The following TP53BP2 variants were observed in gnomAD, a reference collection of about 807,000 sequenced individuals.
The protein encoded by TP53BP2 is apoptosis-stimulating of p53 protein 2.
Under a neutral mutation model 126.2 loss-of-function variants are expected in TP53BP2, and 62 were observed. That is an observed-to-expected ratio of 0.49 (90% CI 0.40 to 0.61). The LOEUF (loss-of-function observed/expected upper bound fraction) is 0.61. Ranked by LOEUF, TP53BP2 falls within the 20% of genes least tolerant of loss-of-function variation. TP53BP2 has a pLI of 0.00. For synonymous variants in TP53BP2, 485 were observed against 502.9 expected (o/e 0.96, Z 0.48); for missense variants, 1,215 against 1,402.8 (o/e 0.87, Z 2.14).
At chr1:223,820,671 T>C (rs1663270166) in intron 2 of TP53BP2, among the ~76,000 whole-genome samples, 2 of 152,182 alleles carry the variant, frequency 1.3e-5, no homozygotes, top group African/African-American at 4.8e-5. Context: ...ATCCAGCCTG[T>C]GTAGGAACAA....
At chr1:223,803,536 A>C in intron 6 of TP53BP2, 84 bp from the exon 7 acceptor site, 3 of 1,343,036 alleles carry the variant, frequency 2.2e-6, no homozygotes, top group Non-Finnish European at 3.0e-6. Context: ...TTTACAATGA[A>C]CTTTCTAATA....
At chr1:223,812,452 G>A (rs531322560) in intron 3 of TP53BP2, among the ~76,000 whole-genome samples, 18 of 152,010 alleles carry the variant, frequency 1.2e-4, no homozygotes, top group Non-Finnish European at 2.2e-4. Context: ...GTGTGATCTC[G>A]GCTCACTGCA....
At chr1:223,841,561 T>C (rs573532539) in intron 1 of TP53BP2, among the ~76,000 whole-genome samples, 1 of 152,242 alleles carries the variant, frequency 6.6e-6, no homozygotes, top group Non-Finnish European at 1.5e-5. Context: ...ACAATTTTGG[T>C]TGTGTTTTGT....
chr1:223,793,798 T>G (rs1256128640), intron 13 of TP53BP2, among the ~76,000 whole-genome samples: 1 of 152,180 alleles, frequency 6.6e-6, no homozygotes, highest in East Asian at 1.9e-4. Context: ...CCAAGACTGG[T>G]CTTTAGACTG....
At chr1:223,787,208 C>T (rs963601618) in intron 16 of TP53BP2, among the ~76,000 whole-genome samples, 32 of 152,138 alleles carry the variant, frequency 2.1e-4, no homozygotes, top group Admixed American at 1.5e-3. Flanking sequence ...CACATTATAC[C>T]GGTTAACACA....
intron 4 of TP53BP2, among the ~76,000 whole-genome samples, chr1:223,810,122 G>C (rs115457903): frequency 0.017 from 2,627 of 152,150 alleles, 83 homozygotes; most frequent in African/African-American, 0.06. Flanking sequence ...CACTGCACCC[G>C]GCCAATTTTG....
chr1:223,831,479 AAAT>A lies in TP53BP2; in HGVS notation c.28-10115_28-10113del, dbSNP rs1170554536. ...ATATGTACCATCTAAAAAAAAAAAA[AAAT>A]ATATATATATATATATATATATATA... On this transcript the variant is annotated intron_variant, in intron 1 of 17. Transcript: ENST00000343537. Among the ~76,000 whole-genome samples, 38 of 46,160 alleles carry A rather than the reference AAAT, an allele frequency of 8.2e-4. No individual in the cohort carries two copies. The South Asian group carries it at 9.2e-3, about 11-fold the overall frequency. 30.3% of individuals were successfully genotyped at this position (46,160 alleles called of 152,430 possible).
intron 16 of TP53BP2, among the ~76,000 whole-genome samples, chr1:223,784,805 TG>T (rs879638085): frequency 6.6e-6 from 1 of 152,116 alleles, no homozygotes; most frequent in Non-Finnish European, 1.5e-5. Context: ...AATTTCCGAA[TG>T]GGGAAAGACA....
chr1:223,806,590 G>A (rs12059128), intron 5 of TP53BP2, among the ~76,000 whole-genome samples: 17,431 of 152,148 alleles, frequency 0.11, 1,223 homozygotes, highest in African/African-American at 0.2. Context: ...TTGGGAGGCC[G>A]AAGTGGGCGG....
intron 1 of TP53BP2, among the ~76,000 whole-genome samples, chr1:223,824,208 A>G (rs1217532408): frequency 6.6e-6 from 1 of 152,236 alleles, no homozygotes; most frequent in African/African-American, 2.4e-5. Context: ...ATTTAACCAC[A>G]GTTACCCACA....
chr1:223,802,045 T>A, intron 9 of TP53BP2, 71 bp downstream of exon 9: 2 of 1,436,780 alleles, frequency 1.4e-6, no homozygotes, highest in South Asian at 2.6e-5. Context: ...AAAGAGAGAT[T>A]TTTTTTAAAC....
chr1:223,832,579 G>A (rs1173018616), intron 1 of TP53BP2, among the ~76,000 whole-genome samples: 1 of 152,234 alleles, frequency 6.6e-6, no homozygotes, highest in Non-Finnish European at 1.5e-5. Flanking sequence ...GTGATACAGA[G>A]TGGGGATTAA....
chr1:223,818,976 G>A (rs1663196464), intron 2 of TP53BP2, among the ~76,000 whole-genome samples: 1 of 151,088 alleles, frequency 6.6e-6, no homozygotes, highest in African/African-American at 2.4e-5. Flanking sequence ...CTGAGATAGG[G>A]AGTTCGAGAC....
intron 1 of TP53BP2, among the ~76,000 whole-genome samples, chr1:223,832,207 C>A (rs559805101): frequency 1.2e-3 from 190 of 152,254 alleles, no homozygotes; most frequent in Middle Eastern, 6.8e-3. Context: ...TACAACAGCA[C>A]CTTCAGAGTT....
chr1:223,811,592 C>A (rs145183623), intron 3 of TP53BP2, among the ~76,000 whole-genome samples: 158 of 152,270 alleles, frequency 1.0e-3, no homozygotes, highest in African/African-American at 3.5e-3. Flanking sequence ...AGAGAGAGCA[C>A]TTAACTAGTT....
At chr1:223,830,999 G>A (rs1220036700) in intron 1 of TP53BP2, among the ~76,000 whole-genome samples, 1 of 152,070 alleles carries the variant, frequency 6.6e-6, no homozygotes, top group Non-Finnish European at 1.5e-5. Flanking sequence ...TCAGGAGGCT[G>A]GGGCAGGAGA....
chr1:223,800,031 A>G lies in TP53BP2; in HGVS notation c.1353T>C (p.Val451=), dbSNP rs549668221. 4.0e-5 allele frequency: 65 copies of G among 1,609,596 alleles called. No individual in the cohort carries two copies. The African/African-American group carries it at 8.3e-4, about 21-fold the overall frequency. ...NALDQVDDGE[V]PLREKEKKVR... ...CTTTCTTCTCTTTCTCCCTCAGCGG[A>G]ACCTCTCCATCATCAACTAAAGACA... The change falls in exon 11 of 18, where the codon GTT becomes GTC. Residue 451 remains valine, a synonymous_variant. Coordinates refer to ENST00000343537, the MANE Select transcript of TP53BP2 (RefSeq NM_001031685.3).
chr1:223,841,754 C>T (rs993697415), intron 1 of TP53BP2, among the ~76,000 whole-genome samples: 1 of 152,066 alleles, frequency 6.6e-6, no homozygotes, highest in Non-Finnish European at 1.5e-5. Flanking sequence ...TTTCCTAGAC[C>T]CTCAAAATTA....
intron 15 of TP53BP2, among the ~76,000 whole-genome samples, chr1:223,790,717 C>A (rs1255103856): frequency 6.6e-6 from 1 of 151,676 alleles, no homozygotes; most frequent in African/African-American, 2.4e-5. Context: ...AATCCTCCCA[C>A]CTCAGCCTCC....
Sources: allele counts gnomAD v4.1 joint callset (sites outside exome capture counted in the v4.1 genomes callset), GRCh38; gene constraint gnomAD v4.1.1; transcripts MANE v1.5; gene names NCBI Gene and HGNC (gene_info 2026-07-23, HGNC 2026-07-21).